Variants in MTAP observed in about 807,000 individuals in gnomAD.
MTAP encodes the protein methylthioadenosine phosphorylase, also known as S-methyl-5'-thioadenosine phosphorylase.
MTAP carries 33 observed loss-of-function variants against 33.6 expected under a neutral mutation model. The ratio of observed to expected loss-of-function variants is 0.98; its 90% CI spans 0.74 to 1.31. The LOEUF (loss-of-function observed/expected upper bound fraction) is 1.31, where lower values mean the gene tolerates loss of function less well. Among genes scored for constraint, MTAP ranks in the 40% most tolerant of loss-of-function variants. The pLI is 0.00. For missense variants in MTAP, 367 were observed against 360.0 expected (o/e 1.02, Z -0.16); for synonymous variants, 148 against 125.7 (o/e 1.18, Z -1.19).
At chr9:21,894,297 A>T (rs1335905974) in intron 1 of MTAP, among the ~76,000 whole-genome samples, 2 of 151,850 alleles carry the variant, frequency 1.3e-5, no homozygotes, top group Non-Finnish European at 2.9e-5. Flanking sequence ...AGCTAACATC[A>T]TACTCAACAG....
At chr9:21,914,886 A>G (rs1417285926) in intron 1 of MTAP, among the ~76,000 whole-genome samples, 1 of 151,856 alleles carries the variant, frequency 6.6e-6, no homozygotes, top group Non-Finnish European at 1.5e-5. Context: ...TATTTTGGAC[A>G]TTTTATATGA....
intron 1 of MTAP, among the ~76,000 whole-genome samples, chr9:21,811,090 C>T (rs530224997): frequency 1.3e-5 from 2 of 152,358 alleles, no homozygotes; most frequent in East Asian, 3.9e-4. Context: ...AGCTCCAGCT[C>T]TGGCTCGCTT....
At chr9:21,826,539 G>A (rs6475585) in intron 4 of MTAP, among the ~76,000 whole-genome samples, 93,103 of 151,028 alleles carry the variant, frequency 0.62, 29,884 homozygotes, top group African/African-American at 0.81. Context: ...GCATCCTGTC[G>A]GAAGGCATGT....
rs1345321063 is a variant in MTAP at position 21,915,238 on chromosome 9, G to T, written c.148-15770G>T. On this transcript the variant is annotated intron_variant, in intron 1 of 1. Transcript: ENST00000577563. ...TGTGTAGCTGGGACTACAGGCACCCGCCACCACGCCCGGCTAATTTTTTTT... is the reference window on the plus strand; with the variant it reads ...TGTGTAGCTGGGACTACAGGCACCCTCCACCACGCCCGGCTAATTTTTTTT... Among the ~76,000 whole-genome samples the T allele has an allele frequency of 2.6e-5, 4 of 151,208 alleles. No homozygotes were observed. The South Asian group carries it at 8.4e-4, about 32-fold the overall frequency.
chr9:21,880,093 T>A (rs1817982567), intron 1 of MTAP, among the ~76,000 whole-genome samples: 2 of 152,152 alleles, frequency 1.3e-5, no homozygotes, highest in South Asian at 4.1e-4. Context: ...ATTTCTAAAT[T>A]TATATATTGA....
At chr9:21,888,460 C>T (rs1022867906) in intron 1 of MTAP, among the ~76,000 whole-genome samples, 6 of 152,030 alleles carry the variant, frequency 3.9e-5, no homozygotes, top group African/African-American at 1.4e-4. Context: ...TATCTCATTT[C>T]TTAGGTCTAG....
At chr9:21,923,037 A>G (rs1421993023) in intron 1 of MTAP, among the ~76,000 whole-genome samples, 1 of 152,094 alleles carries the variant, frequency 6.6e-6, no homozygotes, top group Non-Finnish European at 1.5e-5. Flanking sequence ...CACACTGTCT[A>G]CCTCAGGGGC....
intron 1 of MTAP, among the ~76,000 whole-genome samples, chr9:21,915,529 T>TG (rs1367200960): frequency 6.6e-6 from 1 of 152,198 alleles, no homozygotes; most frequent in African/African-American, 2.4e-5. Context: ...GTACAAGTTT[T>TG]GGCATAGGTA....
intron 3 of MTAP, among the ~76,000 whole-genome samples, chr9:21,817,272 A>G (rs1824498853): frequency 6.6e-6 from 1 of 152,154 alleles, no homozygotes; most frequent in Non-Finnish European, 1.5e-5. Flanking sequence ...AGATATATGT[A>G]TGAGTTCTCT....
intron 1 of MTAP, among the ~76,000 whole-genome samples, chr9:21,874,222 A>C (rs988423510): frequency 6.6e-6 from 1 of 152,182 alleles, no homozygotes; most frequent in African/African-American, 2.4e-5. Flanking sequence ...CTTCATAGAC[A>C]ATCTGTTTAT....
intron 1 of MTAP, among the ~76,000 whole-genome samples, chr9:21,895,281 T>G (rs1005045660): frequency 6.6e-6 from 1 of 152,178 alleles, no homozygotes; most frequent in Admixed American, 6.5e-5. Flanking sequence ...CAAAGTACAC[T>G]ACAAGGCAAC....
At chr9:21,825,199 G>A (rs1824760005) in intron 4 of MTAP, among the ~76,000 whole-genome samples, 1 of 152,130 alleles carries the variant, frequency 6.6e-6, no homozygotes, top group South Asian at 2.1e-4. Context: ...TGCTCATGCT[G>A]GGAGCTGTAG....
intron 1 of MTAP, among the ~76,000 whole-genome samples, chr9:21,806,918 C>T (rs565666136): frequency 6.6e-6 from 1 of 152,204 alleles, no homozygotes; most frequent in South Asian, 2.1e-4. Flanking sequence ...AATCCCAACA[C>T]TTTGGGAGGC....
chr9:21,872,262 G>T (rs1018600380), intron 1 of MTAP, among the ~76,000 whole-genome samples: 4 of 152,182 alleles, frequency 2.6e-5, no homozygotes, highest in Non-Finnish European at 5.9e-5. Context: ...AGGTTGCAGT[G>T]AGCCAAGATT....
intron 1 of MTAP, among the ~76,000 whole-genome samples, chr9:21,879,919 G>C (rs528051976): frequency 1.3e-5 from 2 of 151,982 alleles, no homozygotes; most frequent in Non-Finnish European, 2.9e-5. Context: ...ACCTGATGGG[G>C]CTCCTTTTGT....
chr9:21,910,552 G>A (rs1158278687), intron 1 of MTAP, among the ~76,000 whole-genome samples: 1 of 152,072 alleles, frequency 6.6e-6, no homozygotes, highest in African/African-American at 2.4e-5. Flanking sequence ...ACTGGCAAGA[G>A]GGCTAGTGTA....
At chr9:21,869,979 T>TAG (rs1825912551), downstream of MTAP, among the ~76,000 whole-genome samples, 1 of 152,198 alleles carries the variant, frequency 6.6e-6, no homozygotes, top group Non-Finnish European at 1.5e-5. Context: ...TACTGTCCTC[T>TAG]TGCTCACTCT....
At chr9:21,880,772 G>C (rs1563857943) in intron 1 of MTAP, among the ~76,000 whole-genome samples, 1 of 151,888 alleles carries the variant, frequency 6.6e-6, no homozygotes, top group Non-Finnish European at 1.5e-5. Context: ...ACAAATAAAT[G>C]GAAAGACATT....
At chr9:21,887,789 C>A (rs887386574) in intron 1 of MTAP, among the ~76,000 whole-genome samples, 1 of 152,048 alleles carries the variant, frequency 6.6e-6, no homozygotes, top group African/African-American at 2.4e-5. Flanking sequence ...TCCTGTGTGT[C>A]ATCTATGATT....
Sources: allele counts gnomAD v4.1 joint callset (sites outside exome capture counted in the v4.1 genomes callset), GRCh38; gene constraint gnomAD v4.1.1; transcripts MANE v1.5; gene names NCBI Gene and HGNC (gene_info 2026-07-23, HGNC 2026-07-21).